The following DST variants were observed in gnomAD, a reference collection of about 807,000 sequenced individuals.
DST encodes the protein bullous pemphigoid antigen.
Under a neutral mutation model 875.2 loss-of-function variants are expected in DST, and 253 were observed. That is an observed-to-expected ratio of 0.29 (90% CI 0.26 to 0.32). DST has a LOEUF of 0.32. Ranked by LOEUF, DST falls within the 10% of genes least tolerant of loss-of-function variation. The pLI, the probability that DST is intolerant of heterozygous loss-of-function variation, is 1.00. For missense variants in DST, 8,287 were observed against 9,111.6 expected, an observed-to-expected ratio of 0.91 and a Z score of 3.68; for synonymous variants, 3,124 against 3,197.1, an observed-to-expected ratio of 0.98 and a Z score of 0.77.
chr6:56,903,508 G>A (rs57237491), intron 2 of DST, among the ~76,000 whole-genome samples: 229 of 152,294 alleles, frequency 1.5e-3, no homozygotes, highest in African/African-American at 5.4e-3. Flanking sequence ...CACCCAGGCT[G>A]GAGTGCAGTG....
rs1445322035 is a variant in DST at position 56,527,720 on chromosome 6, T to C, written c.17695A>G (p.Ile5899Val). ...LKQTTGDEVL[I>V]IQDKLEAIKA... ...ATGGCTTCCAATTTATCTTGAATTATTAAAACTTCATCACCTAAAATTTCA... is the reference window on the plus strand; with the variant it reads ...ATGGCTTCCAATTTATCTTGAATTACTAAAACTTCATCACCTAAAATTTCA... The change falls in exon 68 of 104, where the codon ATA becomes GTA. Residue 5899 changes from isoleucine (I) to valine (V), a missense_variant. This residue lies in a region of DST where 777 missense variants were observed against 764.8 expected (regional missense o/e 1.02). Transcript: ENST00000680361. 1 of 1,599,472 alleles carries C rather than the reference T, an allele frequency of 6.3e-7. No individual in the cohort carries two copies.
Position 56,482,782 on chromosome 6 carries a change from G to A in DST, c.21303C>T (p.Ser7101=). ...ATTCCTGCATCTGGACCTTGACCCA[G>A]GAGGAGTCATCCCGACTGCCTTCTA... ...ELIEGSRDDS[S]WVKVQMQELS... The change falls in exon 89 of 104, where the codon TCC becomes TCT. Residue 7101 remains serine (S), a synonymous_variant. Transcript: ENST00000680361. 6.2e-7 allele frequency: 1 copy of A among 1,613,818 alleles called. No homozygotes were observed. The highest frequency in any genetic ancestry group is 8.5e-7 in the Non-Finnish European group (1 of 1,179,794).
chr6:56,634,568 G>A lies in DST; in HGVS notation c.3388C>T (p.Arg1130Cys), dbSNP rs141002593. Reference sequence around the variant, plus strand: ...GGACTAATGACCTTCCATTTAGCACGATGAGAGTTATTCGCCAAAACACAT... The same window carrying A: ...GGACTAATGACCTTCCATTTAGCACAATGAGAGTTATTCGCCAAAACACAT... ...DECVLANNSH[R>C]AKWKVISPTG... The change falls in exon 26 of 104, where the codon CGT becomes TGT. Residue 1130 changes from arginine (R) to cysteine (C), a missense_variant. Arg to Cys is a radical substitution (Grantham distance 180, BLOSUM62 -3). Around this residue, in one of 10 missense-constraint regions of DST, gnomAD observed 1,160 missense variants for 1,424.3 expected, o/e 0.81. Transcript: ENST00000680361. 5.6e-6 allele frequency: 9 copies of A among 1,614,004 alleles called. No homozygotes were observed. Among genetic ancestry groups the A allele is most frequent in the Admixed American group, 1.7e-5 (1 of 60,008 alleles).
chr6:56,935,318 C>A (rs967657887), intron 2 of DST, among the ~76,000 whole-genome samples: 2 of 152,236 alleles, frequency 1.3e-5, no homozygotes, highest in African/African-American at 4.8e-5. Context: ...AAACAAGAGG[C>A]AGTCACACTC....
At chr6:56,648,779 G>T in intron 12 of DST, 90 bp from the exon 13 acceptor site, 1 of 1,123,986 alleles carries the variant, frequency 8.9e-7, no homozygotes, top group Non-Finnish European at 1.2e-6. Context: ...TTCTGTAAAT[G>T]TATGTATTTG....
chr6:56,933,889 C>T (rs1178567580), intron 2 of DST, among the ~76,000 whole-genome samples: 11 of 152,136 alleles, frequency 7.2e-5, no homozygotes, highest in Admixed American at 7.2e-4. Flanking sequence ...ACTCTGCCAA[C>T]AGTATCATAA....
intron 88 of DST, 113 bp downstream of exon 88, chr6:56,485,199 T>C (rs762660386): frequency 1.2e-5 from 14 of 1,174,016 alleles, no homozygotes; most frequent in East Asian, 2.4e-5. Context: ...AAGACTGTTA[T>C]GTAGTATGAT....
chr6:56,798,394 C>T (rs1402533614), intron 4 of DST, among the ~76,000 whole-genome samples: 1 of 152,152 alleles, frequency 6.6e-6, no homozygotes. Flanking sequence ...AACTACTCTG[C>T]TCATGCTCTA....
intron 4 of DST, among the ~76,000 whole-genome samples, chr6:56,812,369 T>C (rs749916353): frequency 4.6e-5 from 7 of 152,190 alleles, no homozygotes; most frequent in Non-Finnish European, 8.8e-5. Context: ...AATCAGGTCA[T>C]AACTCATTCT....
chr6:56,884,669 C>T (rs1195784248), intron 3 of DST, among the ~76,000 whole-genome samples: 1 of 152,116 alleles, frequency 6.6e-6, no homozygotes, highest in Non-Finnish European at 1.5e-5. Flanking sequence ...CTGGTGCTGA[C>T]ATGATCCCAG....
At chr6:56,722,368 G>GTTTGTTTA (rs376637331) in intron 5 of DST, among the ~76,000 whole-genome samples, 33 of 150,708 alleles carry the variant, frequency 2.2e-4, no homozygotes, top group African/African-American at 7.3e-4. Context: ...GTACATGTTT[G>GTTTGTTTA]TTTATTTATT....
intron 3 of DST, among the ~76,000 whole-genome samples, chr6:56,858,149 C>A (rs1255721963): frequency 1.3e-5 from 2 of 151,964 alleles, no homozygotes; most frequent in Non-Finnish European, 2.9e-5. Context: ...GGGAGATATG[C>A]AGGAACCCTT....
At chr6:56,544,698 G>A (rs116802685) in intron 61 of DST, among the ~76,000 whole-genome samples, 4,709 of 152,178 alleles carry the variant, frequency 0.031, 88 homozygotes, top group Non-Finnish European at 0.043. Context: ...CTAGTTAATT[G>A]AGTTCAAGTA....
At chr6:56,563,757 T>C (rs1299459891) in intron 55 of DST, among the ~76,000 whole-genome samples, 3 of 152,202 alleles carry the variant, frequency 2.0e-5, no homozygotes, top group Admixed American at 6.5e-5. Context: ...AGTTTTTGTA[T>C]AAGGTGTAAG....
intron 4 of DST, among the ~76,000 whole-genome samples, chr6:56,792,425 T>G (rs1020546651): frequency 1.3e-5 from 2 of 152,162 alleles, no homozygotes; most frequent in African/African-American, 4.8e-5. Context: ...AACAGGTTCT[T>G]TTACAATGAA....
intron 5 of DST, among the ~76,000 whole-genome samples, chr6:56,717,580 T>C (rs11961141): frequency 0.24 from 35,939 of 152,142 alleles, 5,507 homozygotes; most frequent in African/African-American, 0.43. Context: ...GCTTCCCCAA[T>C]TACTCCTGCA....
chr6:56,508,488 A>G (rs2096394742), intron 75 of DST, 41 bp downstream of exon 75: 1 of 1,504,120 alleles, frequency 6.6e-7, no homozygotes, highest in Non-Finnish European at 9.2e-7. Context: ...TCATTATGCC[A>G]CAACTTATTT....
intron 9 of DST, among the ~76,000 whole-genome samples, chr6:56,697,644 A>C (rs1172035623): frequency 6.6e-6 from 1 of 152,026 alleles, no homozygotes; most frequent in Admixed American, 6.6e-5. Context: ...ACTTAATTCT[A>C]CCTCCCTCCG....
At chr6:56,676,043 A>C (rs1414014354) in intron 9 of DST, among the ~76,000 whole-genome samples, 4 of 151,838 alleles carry the variant, frequency 2.6e-5, no homozygotes, top group Non-Finnish European at 5.9e-5. Flanking sequence ...GGCTAGTCTC[A>C]AAAAAAAGGA....
Sources: allele counts gnomAD v4.1 joint callset (sites outside exome capture counted in the v4.1 genomes callset), GRCh38; gene constraint gnomAD v4.1.1; regional missense constraint gnomAD v4.1.1; transcripts MANE v1.5; gene names NCBI Gene and HGNC (gene_info 2026-07-23, HGNC 2026-07-21).